The following TLCD4 variants were observed in gnomAD, a reference collection of about 807,000 sequenced individuals.
TLCD4 encodes TLC domain-containing protein 4.
Under a neutral mutation model 24.2 loss-of-function variants are expected in TLCD4, and 7 were observed. The observed-to-expected ratio is 0.29, with a 90% CI of 0.16 to 0.54. The LOEUF is 0.54. TLCD4 is among the 20% of genes least tolerant of loss of function. TLCD4 has a pLI of 0.95. For synonymous variants in TLCD4, 103 were observed against 106.4 expected, an observed-to-expected ratio of 0.97 and a Z score of 0.20; for missense variants, 259 against 313.9, an observed-to-expected ratio of 0.82 and a Z score of 1.32.
chr1:95,176,335 G>A (rs762568442), intron 6 of TLCD4, among the ~76,000 whole-genome samples: 34 of 151,666 alleles, frequency 2.2e-4, no homozygotes, highest in Admixed American at 5.9e-4. Flanking sequence ...AGAATTACAG[G>A]CATACACCAC....
At position 95,118,806 on chromosome 1, in the gene TLCD4, A is replaced by C. The variant is rs1191431647; in HGVS notation, c.-12+1189A>C. 2.0e-5 allele frequency among the ~76,000 whole-genome samples: 3 copies of C among 152,182 alleles called. No individual in the cohort carries two copies. In the East Asian group the frequency reaches 5.8e-4, roughly 29 times the overall value. On this transcript the variant is annotated intron_variant, in intron 1 of 6. Coordinates refer to ENST00000370203, the MANE Select transcript of TLCD4 (RefSeq NM_152487.3). Reference sequence around the variant, plus strand: ...TTATCTTTTCCTTAAATTGGGCGAAACGAAATTAGAAAAGTGTATTCCCGC... The same window carrying C: ...TTATCTTTTCCTTAAATTGGGCGAACCGAAATTAGAAAAGTGTATTCCCGC...
chr1:95,094,297 A>T, the TLCD4 span, among the ~76,000 whole-genome samples: 1 of 135,746 alleles, frequency 7.4e-6, no homozygotes, highest in African/African-American at 2.8e-5. Context: ...CATCTGGCTA[A>T]TTGCATTTTT....
intron 6 of TLCD4, among the ~76,000 whole-genome samples, chr1:95,184,613 A>G (rs556369717): frequency 1.8e-4 from 28 of 152,188 alleles, no homozygotes; most frequent in Non-Finnish European, 3.5e-4. Context: ...GTATTAATAA[A>G]TACATACAAT....
chr1:95,191,702 TAAGG>T lies in TLCD4; in HGVS notation c.627_630del (p.Arg210LeufsTer4). ...TCCGTGTATGGAACAGAACCCTACA[TAAGG>T]CTTGGAGTTTTAATCCAGTTATCCT... On this transcript the variant is annotated frameshift_variant, in exon 7 of 7. Transcript: ENST00000370203. LOFTEE classifies it high-confidence loss of function. The T allele has an allele frequency of 6.2e-7, 1 of 1,614,190 alleles. No individual in the cohort carries two copies.
chr1:95,154,144 C>T (rs1677567107), intron 5 of TLCD4, among the ~76,000 whole-genome samples: 1 of 152,122 alleles, frequency 6.6e-6, no homozygotes, highest in Non-Finnish European at 1.5e-5. Context: ...TTCTGTGATG[C>T]ACCTGTTTTG....
chr1:95,169,759 C>T (rs1465775365), intron 5 of TLCD4, among the ~76,000 whole-genome samples: 3 of 152,050 alleles, frequency 2.0e-5, no homozygotes, highest in African/African-American at 7.2e-5. Context: ...CACAGCCACA[C>T]CCTCAAACTT....
intron 6 of TLCD4, among the ~76,000 whole-genome samples, chr1:95,174,603 G>T (rs1462811720): frequency 6.6e-6 from 1 of 151,922 alleles, no homozygotes; most frequent in African/African-American, 2.4e-5. Context: ...CGGAAGGATT[G>T]CATGAGTCCA....
intron 1 of TLCD4, among the ~76,000 whole-genome samples, chr1:95,126,063 A>G (rs1223906093): frequency 2.6e-5 from 4 of 151,140 alleles, no homozygotes; most frequent in African/African-American, 9.7e-5. Context: ...AGTCTGAGGC[A>G]GGAGGATCAC....
intron 1 of TLCD4, among the ~76,000 whole-genome samples, chr1:95,120,658 G>A (rs1214623405): frequency 2.0e-5 from 3 of 152,200 alleles, no homozygotes; most frequent in African/African-American, 4.8e-5. Context: ...CCCAGACAGC[G>A]GGACCAATAT....
chr1:95,102,256 A>C, the TLCD4 span, among the ~76,000 whole-genome samples: 1 of 152,170 alleles, frequency 6.6e-6, no homozygotes, highest in East Asian at 1.9e-4. Context: ...TGGAAAGGAA[A>C]TTATTAACTT....
At chr1:95,105,296 A>G in the TLCD4 span, among the ~76,000 whole-genome samples, 1 of 152,250 alleles carries the variant, frequency 6.6e-6, no homozygotes, top group Non-Finnish European at 1.5e-5. Context: ...GACTATCTGC[A>G]TAAGACAGAT....
intron 6 of TLCD4, chr1:95,174,125 C>G (rs1047972624): frequency 3.7e-6 from 2 of 545,396 alleles, no homozygotes; most frequent in South Asian, 2.5e-5. Context: ...CTTTGCAGTA[C>G]GATGGTGCTT....
intron 6 of TLCD4, among the ~76,000 whole-genome samples, chr1:95,180,128 G>A (rs1678581914): frequency 1.3e-5 from 2 of 152,150 alleles, no homozygotes; most frequent in Non-Finnish European, 2.9e-5. Context: ...CTTTTTGAAT[G>A]AATGACTCCC....
intron 6 of TLCD4, among the ~76,000 whole-genome samples, chr1:95,181,768 T>C (rs6593614): frequency 0.99 from 149,760 of 151,916 alleles, 73,843 homozygotes; most frequent in East Asian, 1. Context: ...GGGATTACTA[T>C]GCCACCACGC....
chr1:95,173,927 CTG>C (rs1678325033), intron 6 of TLCD4, 38 bp downstream of exon 6: 2 of 1,611,826 alleles, frequency 1.2e-6, no homozygotes, highest in Non-Finnish European at 1.7e-6. Context: ...TAAAGTCATG[CTG>C]TTTATTTTTA....
chr1:95,144,843 A>G (rs1361331057), intron 2 of TLCD4, among the ~76,000 whole-genome samples: 2 of 152,044 alleles, frequency 1.3e-5, no homozygotes. Context: ...GGCATGCGCC[A>G]CCATGCCAAG....
At chr1:95,150,503 T>A (rs1357125066) in intron 4 of TLCD4, among the ~76,000 whole-genome samples, 1 of 152,146 alleles carries the variant, frequency 6.6e-6, no homozygotes, top group Admixed American at 6.6e-5. Flanking sequence ...GGCCTGGACA[T>A]TTTTTATCAG....
intron 1 of TLCD4, among the ~76,000 whole-genome samples, chr1:95,123,646 G>C (rs1676629486): frequency 6.6e-6 from 1 of 152,208 alleles, no homozygotes. Flanking sequence ...TTGGGGGTAA[G>C]GCCCTCCAGA....
At chr1:95,124,128 C>G (rs1210416039) in intron 1 of TLCD4, among the ~76,000 whole-genome samples, 1 of 152,116 alleles carries the variant, frequency 6.6e-6, no homozygotes, top group Non-Finnish European at 1.5e-5. Flanking sequence ...TATTTATATT[C>G]CCCTTTGTTT....
Sources: gnomAD v4.1 joint callset for allele counts (sites outside exome capture counted in the v4.1 genomes callset) on GRCh38, gnomAD v4.1.1 for gene constraint, MANE v1.5 for transcripts, NCBI Gene and HGNC (gene_info 2026-07-23, HGNC 2026-07-21) for gene names.